MECOM: variants seen among roughly 807,000 people sequenced by gnomAD.
The protein encoded by MECOM is histone-lysine N-methyltransferase MECOM.
MECOM carries 13 observed loss-of-function variants against 116.3 expected under a neutral mutation model. That is an observed-to-expected ratio of 0.11 (90% CI 0.07 to 0.18). The LOEUF (loss-of-function observed/expected upper bound fraction) is 0.18, where lower values mean the gene tolerates loss of function less well. Among genes scored for constraint, MECOM ranks in the 10% least tolerant of loss-of-function variants. The probability of loss-of-function intolerance (pLI) is 1.00; values close to 1 mark genes in which losing one functional copy is unlikely to be tolerated. For missense variants in MECOM, 1,299 were observed against 1,509.0 expected (o/e 0.86, Z 2.31); for synonymous variants, 528 against 535.2 (o/e 0.99, Z 0.19).
At chr3:169,519,893 T>G (rs367624803) in intron 1 of MECOM, among the ~76,000 whole-genome samples, 2 of 152,358 alleles carry the variant, frequency 1.3e-5, no homozygotes, top group East Asian at 3.9e-4. Flanking sequence ...GTTGACTCCA[T>G]CCTGTCTCAC....
At chr3:169,549,060 G>A (rs950212297) in intron 1 of MECOM, among the ~76,000 whole-genome samples, 16 of 143,858 alleles carry the variant, frequency 1.1e-4, no homozygotes, top group African/African-American at 2.1e-4. Context: ...TGCAACCTCC[G>A]CCTCCCGGGT....
intron 1 of MECOM, among the ~76,000 whole-genome samples, chr3:169,434,313 A>ATCATC (rs1742260560): frequency 6.6e-6 from 1 of 152,212 alleles, no homozygotes; most frequent in African/African-American, 2.4e-5. Context: ...GATGAAAAAC[A>ATCATC]AATTAGCTAC....
chr3:169,134,087 T>C (rs375563436), intron 3 of MECOM: 1 of 439,244 alleles, frequency 2.3e-6, no homozygotes, highest in Non-Finnish European at 4.0e-6. Context: ...TGGGGAATAC[T>C]ACTTAGACAC....
intron 1 of MECOM, among the ~76,000 whole-genome samples, chr3:169,403,124 G>A (rs569754593): frequency 3.9e-4 from 60 of 152,290 alleles, no homozygotes; most frequent in African/African-American, 1.3e-3. Flanking sequence ...TCTATACAGC[G>A]TTCTTCCCTG....
chr3:169,550,858 C>A (rs1291862274), intron 1 of MECOM, among the ~76,000 whole-genome samples: 1 of 78,458 alleles, frequency 1.3e-5, no homozygotes. Context: ...GAGTCTCGCT[C>A]TGTCGCCCAG....
At chr3:169,584,321 T>G (rs1443302380) in intron 1 of MECOM, among the ~76,000 whole-genome samples, 1 of 151,968 alleles carries the variant, frequency 6.6e-6, no homozygotes, top group African/African-American at 2.4e-5. Flanking sequence ...ATCCCAGCAC[T>G]TTGGGAGGCC....
At chr3:169,570,999 C>T (rs541152145) in intron 1 of MECOM, among the ~76,000 whole-genome samples, 15 of 152,006 alleles carry the variant, frequency 9.9e-5, no homozygotes, top group African/African-American at 3.4e-4. Flanking sequence ...GGCAATCAGG[C>T]AAGAGAAAGA....
At chr3:169,326,657 A>G (rs1721874005) in intron 2 of MECOM, among the ~76,000 whole-genome samples, 1 of 152,124 alleles carries the variant, frequency 6.6e-6, no homozygotes, top group East Asian at 1.9e-4. Context: ...CTATTTAAAC[A>G]TTTTTTTGTA....
At chr3:169,203,581 A>G (rs1218263456) in intron 2 of MECOM, among the ~76,000 whole-genome samples, 1 of 152,236 alleles carries the variant, frequency 6.6e-6, no homozygotes, top group African/African-American at 2.4e-5. Context: ...ATAATCATTA[A>G]TCAGGAAAAT....
chr3:169,106,362 T>A (rs1459431269), intron 10 of MECOM, among the ~76,000 whole-genome samples: 1 of 152,114 alleles, frequency 6.6e-6, no homozygotes, highest in Non-Finnish European at 1.5e-5. Flanking sequence ...GATGTTTTCA[T>A]ACAGGCATAC....
At chr3:169,153,807 A>ACC in intron 2 of MECOM, among the ~76,000 whole-genome samples, 1 of 152,264 alleles carries the variant, frequency 6.6e-6, no homozygotes, top group South Asian at 2.1e-4. Flanking sequence ...TGGGAAAATA[A>ACC]ATTGGGTAAC....
rs1560061217 is a variant in MECOM, at chr3:169,263,126, TATG to T, written c.375+118058_375+118060del. 1.9e-3 allele frequency among the ~76,000 whole-genome samples: 116 copies of T among 60,826 alleles called. 3 individuals carry two copies. The highest frequency in any genetic ancestry group is 6.8e-3 in the African/African-American group (71 of 10,402). 39.9% of individuals were successfully genotyped at this position (60,826 alleles called of 152,430 possible). ...ATATATATATATATATATATATATA[TATG>T]TTTTTTTTTTTTTTTTTGAGACAGA... On this transcript the variant is annotated intron_variant, in intron 2 of 16. Transcript: ENST00000651503.
chr3:169,460,912 G>A (rs1237323802), intron 1 of MECOM, among the ~76,000 whole-genome samples: 1 of 152,208 alleles, frequency 6.6e-6, no homozygotes, highest in Non-Finnish European at 1.5e-5. Flanking sequence ...ATATATGGGA[G>A]ATCATGTTCC....
chr3:169,445,892 C>T (rs914984999), intron 1 of MECOM, among the ~76,000 whole-genome samples: 4 of 152,148 alleles, frequency 2.6e-5, no homozygotes, highest in African/African-American at 9.7e-5. Flanking sequence ...TTTGACTACC[C>T]CACTGGATTT....
At chr3:169,301,786 G>A (rs1716766819) in intron 2 of MECOM, among the ~76,000 whole-genome samples, 1 of 151,976 alleles carries the variant, frequency 6.6e-6, no homozygotes, top group African/African-American at 2.4e-5. Context: ...TAATACCAAG[G>A]TGAAACTTAC....
chr3:169,549,235 G>A (rs769324570), intron 1 of MECOM, among the ~76,000 whole-genome samples: 1 of 152,058 alleles, frequency 6.6e-6, no homozygotes, highest in Non-Finnish European at 1.5e-5. Context: ...GCCTCCCAAA[G>A]TGCTGGGATT....
At chr3:169,600,227 C>A (rs1177088098) in intron 1 of MECOM, among the ~76,000 whole-genome samples, 1 of 152,146 alleles carries the variant, frequency 6.6e-6, no homozygotes, top group Admixed American at 6.5e-5. Context: ...CCACCTCAGC[C>A]TCCCAAAGTA....
At chr3:169,192,874 G>C (rs985411677) in intron 2 of MECOM, among the ~76,000 whole-genome samples, 2 of 151,996 alleles carry the variant, frequency 1.3e-5, no homozygotes, top group East Asian at 1.9e-4. Flanking sequence ...GTGATATCTT[G>C]TTGTTTATTT....
intron 2 of MECOM, among the ~76,000 whole-genome samples, chr3:169,277,565 T>C (rs752918166): frequency 2.6e-5 from 4 of 152,286 alleles, no homozygotes; most frequent in East Asian, 3.9e-4. Context: ...GCCAGTCCCC[T>C]AACCTCCCTA....
Sources: gnomAD v4.1 joint callset for allele counts (sites outside exome capture counted in the v4.1 genomes callset) on GRCh38, gnomAD v4.1.1 for gene constraint, MANE v1.5 for transcripts, NCBI Gene and HGNC (gene_info 2026-07-23, HGNC 2026-07-21) for gene names.